SLCO1B3: variants seen among roughly 807,000 people sequenced by gnomAD.
SLCO1B3 encodes solute carrier organic anion transporter family member 1B3.
SLCO1B3 carries 72 observed loss-of-function variants against 71.8 expected under a neutral mutation model. That is an observed-to-expected ratio of 1.00 (90% confidence interval 0.83 to 1.22). The LOEUF is 1.22. Ranked by LOEUF, SLCO1B3 falls within the 50% of genes most tolerant of loss-of-function variation. The pLI is 0.00. For missense variants in SLCO1B3, 911 were observed against 819.7 expected, an observed-to-expected ratio of 1.11 and a Z score of -1.36; for synonymous variants, 298 against 278.4, an observed-to-expected ratio of 1.07 and a Z score of -0.70.
At chr12:20,915,923 T>C in intron 15 of SLCO1B3, 81 bp from the exon 16 acceptor site, 1 of 1,025,670 alleles carries the variant, frequency 9.7e-7, no homozygotes, top group Non-Finnish European at 1.4e-6. Flanking sequence ...TCTTTTAAGA[T>C]ATGCATACTG....
At chr12:20,909,172 T>TC (rs1378698390) in intron 15 of SLCO1B3, among the ~76,000 whole-genome samples, 4 of 148,538 alleles carry the variant, frequency 2.7e-5, no homozygotes, top group African/African-American at 9.9e-5. Flanking sequence ...TTTCTTTTTT[T>TC]TTTTTTTTTT....
intron 15 of SLCO1B3, among the ~76,000 whole-genome samples, chr12:20,910,851 T>C (rs1382821539): frequency 6.6e-6 from 1 of 152,172 alleles, no homozygotes; most frequent in African/African-American, 2.4e-5. Context: ...CCAGTAGTGT[T>C]TTTGTCTATT....
At chr12:20,839,788 G>A (rs1196684377) in intron 3 of SLCO1B3, among the ~76,000 whole-genome samples, 1 of 151,982 alleles carries the variant, frequency 6.6e-6, no homozygotes, top group African/African-American at 2.4e-5. Context: ...TCCCTATTAT[G>A]TGCATGTTGC....
chr12:20,883,491 G>T lies in SLCO1B3; in HGVS notation c.1571G>T (p.Cys524Phe). 3 of 1,599,230 alleles carry T rather than the reference G, an allele frequency of 1.9e-6. No individual in the cohort carries two copies. The South Asian group carries it at 3.4e-5, about 18-fold the overall frequency. The change falls in exon 13 of 16, where the codon TGC becomes TTC. Residue 524 changes from cysteine (C) to phenylalanine (F), a missense_variant. Cys to Phe is a radical substitution (Grantham distance 205, BLOSUM62 -2). Transcript: ENST00000381545. ...AATTACTCAGCACACTTGGGTGAAT[G>T]CCCAAGAGATAATACTTGTACAAGG... ...NRNYSAHLGE[C>F]PRDNTCTRKF...
chr12:20,890,970 C>T (rs1865890819), intron 13 of SLCO1B3, among the ~76,000 whole-genome samples: 2 of 151,990 alleles, frequency 1.3e-5, no homozygotes, highest in Admixed American at 6.6e-5. Flanking sequence ...AAAATTCATT[C>T]TGCCAGACTA....
intron 3 of SLCO1B3, among the ~76,000 whole-genome samples, chr12:20,852,430 G>T (rs7135716): frequency 0.72 from 110,154 of 152,094 alleles, 42,476 homozygotes; most frequent in South Asian, 0.9. Flanking sequence ...AGTGAGCCAT[G>T]ATCACTCCAT....
rs757482086 is a variant in SLCO1B3, at chr12:20,875,256, A to G, written c.749A>G (p.Lys250Arg). The change falls in exon 9 of 16, where the codon AAG becomes AGG. Residue 250 changes from lysine (K) to arginine (R), a missense_variant. Physicochemically the swap from Lys to Arg is conservative, Grantham distance 26. Transcript: ENST00000381545. The stretch of plus-strand genomic sequence containing the variant: ...CTAGGCACTATCAGAATAACTCCTA[A>G]GGACTCTCGTTGGGTTGGAGCTTGG... ...VDLSTIRITP[K>R]DSRWVGAWWL... 6.2e-7 allele frequency: 1 copy of G among 1,613,100 alleles called. No homozygotes were observed. Among genetic ancestry groups the G allele is most frequent in the Non-Finnish European group, 8.5e-7 (1 of 1,179,688 alleles).
In SLCO1B3 at chr12:20,821,207, A is replaced by G. The variant is rs11532255; in HGVS notation, c.84+5385A>G. ...TAGGAAGGGACTGATGTGTAAAAGA[A>G]TGCCTGGACATCAGGCACCTCAGAC... On this transcript the variant is annotated intron_variant, in intron 3 of 15. Transcript: ENST00000381545. Among the ~76,000 whole-genome samples the G allele has an allele frequency of 1.6e-3, 243 of 152,290 alleles. 4 individuals carry two copies. The East Asian group carries it at 0.025, about 16-fold the overall frequency.
At chr12:20,882,565 G>C (rs138551068) in intron 12 of SLCO1B3, among the ~76,000 whole-genome samples, 1 of 149,252 alleles carries the variant, frequency 6.7e-6, no homozygotes, top group South Asian at 2.1e-4. Flanking sequence ...CACCACACCC[G>C]GCTAATTTTT....
chr12:20,828,302 T>TAA (rs33953453), intron 3 of SLCO1B3, among the ~76,000 whole-genome samples: 1 of 140,740 alleles, frequency 7.1e-6, no homozygotes, highest in African/African-American at 2.7e-5. Flanking sequence ...ACTATTTTAG[T>TAA]AAAAAAAAAA....
intron 9 of SLCO1B3, among the ~76,000 whole-genome samples, chr12:20,876,676 A>T (rs1865586021): frequency 6.6e-6 from 1 of 152,164 alleles, no homozygotes; most frequent in African/African-American, 2.4e-5. Context: ...AAAATATCAC[A>T]AATCGAGTTT....
chr12:20,843,612 C>G (rs1370456586), intron 3 of SLCO1B3, among the ~76,000 whole-genome samples: 1 of 152,020 alleles, frequency 6.6e-6, no homozygotes, highest in East Asian at 1.9e-4. Context: ...AACCCCGTCT[C>G]TACTAAAAAT....
intron 15 of SLCO1B3, among the ~76,000 whole-genome samples, chr12:20,911,946 C>T (rs1357567186): frequency 1.3e-5 from 2 of 152,064 alleles, no homozygotes; most frequent in African/African-American, 2.4e-5. Flanking sequence ...CCTACTTTTA[C>T]TATTATCTTC....
At chr12:20,885,646 T>A (rs1441498821) in intron 13 of SLCO1B3, among the ~76,000 whole-genome samples, 1 of 151,632 alleles carries the variant, frequency 6.6e-6, no homozygotes, top group Non-Finnish European at 1.5e-5. Flanking sequence ...CCATGCTAAA[T>A]GAGGACAGGA....
At chr12:20,914,902 G>A (rs1252360007) in intron 15 of SLCO1B3, among the ~76,000 whole-genome samples, 1 of 151,970 alleles carries the variant, frequency 6.6e-6, no homozygotes, top group East Asian at 1.9e-4. Context: ...TATAAATAAG[G>A]TTTGCTTTTC....
At chr12:20,878,394 T>C (rs1201044128) in intron 10 of SLCO1B3, among the ~76,000 whole-genome samples, 5 of 152,126 alleles carry the variant, frequency 3.3e-5, no homozygotes, top group Non-Finnish European at 5.9e-5. Flanking sequence ...TTACAAAATA[T>C]GCATGATTCA....
intron 13 of SLCO1B3, among the ~76,000 whole-genome samples, chr12:20,888,284 G>A (rs1387775284): frequency 6.6e-6 from 1 of 151,802 alleles, no homozygotes; most frequent in Non-Finnish European, 1.5e-5. Flanking sequence ...GATTGTTTTG[G>A]GCAGGATGGT....
rs1387178789 is a variant in SLCO1B3 at position 20,858,488 on chromosome 12, C to T, written c.276C>T (p.His92=). 6.3e-7 allele frequency: 1 copy of T among 1,598,404 alleles called. No homozygotes were observed. Among genetic ancestry groups the T allele is most frequent in the Admixed American group, 1.7e-5 (1 of 59,970 alleles). ...TAAGTTACTTTGGATCTAAACTACA[C>T]AGACCGAAGTTAATTGGAATTGGTT... ...VFVSYFGSKL[H]RPKLIGIGCL... The change falls in exon 5 of 16, where the codon CAC becomes CAT. Residue 92 remains histidine (H), a synonymous_variant. Coordinates refer to ENST00000381545, the MANE Select transcript of SLCO1B3 (RefSeq NM_019844.4).
At chr12:20,812,500 G>T (rs929086422) in intron 1 of SLCO1B3, among the ~76,000 whole-genome samples, 2 of 152,144 alleles carry the variant, frequency 1.3e-5, no homozygotes, top group African/African-American at 2.4e-5. Context: ...TTCCAGGAAT[G>T]GAAGACATAT....
Sources: allele counts gnomAD v4.1 joint callset (sites outside exome capture counted in the v4.1 genomes callset), GRCh38; gene constraint gnomAD v4.1.1; transcripts MANE v1.5; gene names NCBI Gene and HGNC (gene_info 2026-07-23, HGNC 2026-07-21).